SLC14A2: variants seen among roughly 807,000 people sequenced by gnomAD.
The protein encoded by SLC14A2 is solute carrier family 14 member 2.
A neutral mutation model predicts 104.6 loss-of-function variants in SLC14A2; 91 were observed. The ratio of observed to expected loss-of-function variants is 0.87; its 90% CI spans 0.73 to 1.04. SLC14A2 has a LOEUF of 1.04. SLC14A2 is among the 50% of genes least tolerant of loss of function. The probability of loss-of-function intolerance (pLI) is 0.00; values close to 1 mark genes in which losing one functional copy is unlikely to be tolerated. For missense variants in SLC14A2, 1,189 were observed against 1,156.0 expected (o/e 1.03, Z -0.41); for synonymous variants, 476 against 466.4 (o/e 1.02, Z -0.27).
chr18:45,223,334 T>G (rs946961102), intron 1 of SLC14A2, among the ~76,000 whole-genome samples: 3 of 152,042 alleles, frequency 2.0e-5, no homozygotes, highest in Non-Finnish European at 4.4e-5. Flanking sequence ...TTAAGCACCA[T>G]GGAGAAAAGC....
chr18:45,681,969 C>T (rs2046314993), intron 19 of SLC14A2, among the ~76,000 whole-genome samples: 1 of 152,204 alleles, frequency 6.6e-6, no homozygotes, highest in South Asian at 2.1e-4. Flanking sequence ...GGAGAAGACA[C>T]AGGATGACCA....
intron 1 of SLC14A2, among the ~76,000 whole-genome samples, chr18:45,258,744 G>C (rs1346076031): frequency 8.8e-6 from 1 of 114,002 alleles, no homozygotes. Context: ...TAAATGCTTT[G>C]ACCAGTACTG....
At chr18:45,598,438 C>T (rs1161563881) in intron 2 of SLC14A2, among the ~76,000 whole-genome samples, 4 of 152,094 alleles carry the variant, frequency 2.6e-5, no homozygotes, top group Admixed American at 6.6e-5. Flanking sequence ...GCTACATGGA[C>T]GGCGCTGCAT....
rs562950833 is a variant in SLC14A2 at position 45,586,131 on chromosome 18, C to T, written c.-34-38500C>T. On this transcript the variant is annotated intron_variant, in intron 2 of 20. Coordinates refer to the SLC14A2 transcript ENST00000586448. ...TATTAGGTTTGCGCAAAAGTAATTG[C>T]GGTTTTGCCATTGCTTTCAGTATTT... Among the ~76,000 whole-genome samples the T allele has an allele frequency of 1.5e-3, 233 of 152,242 alleles. 1 individual carries two copies. The highest frequency in any genetic ancestry group is 5.4e-3 in the African/African-American group (225 of 41,522).
intron 2 of SLC14A2, among the ~76,000 whole-genome samples, chr18:45,593,911 A>C (rs1185366986): frequency 6.6e-6 from 1 of 152,212 alleles, no homozygotes; most frequent in Non-Finnish European, 1.5e-5. Context: ...AGACATTAGC[A>C]TTTTCCCCCA....
At chr18:45,487,965 C>A (rs946508234) in intron 2 of SLC14A2, among the ~76,000 whole-genome samples, 1 of 152,130 alleles carries the variant, frequency 6.6e-6, no homozygotes, top group Non-Finnish European at 1.5e-5. Context: ...ATGATTTAAG[C>A]AAATAATCAC....
the SLC14A2 span, among the ~76,000 whole-genome samples, chr18:45,204,003 A>AT: frequency 1.2e-4 from 18 of 152,132 alleles, no homozygotes; most frequent in African/African-American, 4.3e-4. Flanking sequence ...AATAATTCAC[A>AT]TTTTTTTCTG....
chr18:45,224,461 T>C (rs2084094431), intron 1 of SLC14A2, among the ~76,000 whole-genome samples: 1 of 152,154 alleles, frequency 6.6e-6, no homozygotes, highest in Non-Finnish European at 1.5e-5. Flanking sequence ...TGGCTCTGAA[T>C]TCACATTCAC....
intron 1 of SLC14A2, 65 bp downstream of exon 1, chr18:45,615,647 A>G (rs1185575391): frequency 6.8e-6 from 1 of 146,830 alleles, no homozygotes; most frequent in Non-Finnish European, 1.5e-5. Flanking sequence ...GTAGTTCTTT[A>G]TAGCAGTATG....
chr18:45,328,814 A>G (rs2085261618), intron 1 of SLC14A2, among the ~76,000 whole-genome samples: 1 of 152,188 alleles, frequency 6.6e-6, no homozygotes, highest in Admixed American at 6.5e-5. Flanking sequence ...AAATCTTGTT[A>G]TTTTTCTTAT....
intron 2 of SLC14A2, among the ~76,000 whole-genome samples, chr18:45,552,349 GC>G (rs1290256269): frequency 6.6e-6 from 1 of 152,156 alleles, no homozygotes; most frequent in Non-Finnish European, 1.5e-5. Context: ...ATGCAGCTGG[GC>G]CCTGCCAGCC....
chr18:45,472,657 G>A (rs1191886680), intron 1 of SLC14A2, among the ~76,000 whole-genome samples: 4 of 152,020 alleles, frequency 2.6e-5, no homozygotes, highest in Non-Finnish European at 4.4e-5. Context: ...TATGTTTGTT[G>A]GTCACATAAA....
intron 1 of SLC14A2, among the ~76,000 whole-genome samples, chr18:45,229,849 G>A (rs952034788): frequency 6.6e-6 from 1 of 150,706 alleles, no homozygotes; most frequent in Admixed American, 6.6e-5. Flanking sequence ...TTCACCCTAT[G>A]GAATGAACAT....
chr18:45,192,025 C>A, the SLC14A2 span, among the ~76,000 whole-genome samples: 2 of 152,154 alleles, frequency 1.3e-5, no homozygotes, highest in Admixed American at 6.5e-5. Context: ...ATTGAGGAAT[C>A]CCAACTCATG....
the SLC14A2 span, among the ~76,000 whole-genome samples, chr18:45,205,512 G>T: frequency 6.6e-6 from 1 of 152,144 alleles, no homozygotes; most frequent in Non-Finnish European, 1.5e-5. Context: ...AGGACCATTG[G>T]GGGTTAAACA....
intron 6 of SLC14A2, among the ~76,000 whole-genome samples, chr18:45,638,029 G>T (rs1023219372): frequency 2.6e-5 from 4 of 152,082 alleles, no homozygotes; most frequent in Admixed American, 2.6e-4. Context: ...TCCATTCCAA[G>T]GCCACTCATT....
rs529278132 is a variant in SLC14A2, at chr18:45,643,768, T to G, written c.1177-218T>G. Among the ~76,000 whole-genome samples the G allele has an allele frequency of 9.1e-4, 138 of 152,314 alleles. 1 individual carries two copies. Among genetic ancestry groups the G allele is most frequent in the Admixed American group, 1.4e-3 (21 of 15,306 alleles). Reference sequence around the variant, plus strand: ...CTGGGCTCAAGTGATCCTCCCACCTTGGCCTCCCAAAGTGCTGGTATTACA... The same window carrying G: ...CTGGGCTCAAGTGATCCTCCCACCTGGGCCTCCCAAAGTGCTGGTATTACA... On this transcript the variant is annotated intron_variant, in intron 9 of 19. Transcript: ENST00000255226.
intron 1 of SLC14A2, among the ~76,000 whole-genome samples, chr18:45,473,952 T>C (rs2087302405): frequency 1.3e-5 from 2 of 152,334 alleles, no homozygotes; most frequent in East Asian, 1.9e-4. Context: ...ACTTGTCTTG[T>C]GCCAGTTTTC....
chr18:45,370,171 T>C (rs898697895), intron 1 of SLC14A2, among the ~76,000 whole-genome samples: 2 of 152,168 alleles, frequency 1.3e-5, no homozygotes, highest in African/African-American at 4.8e-5. Context: ...GAAACAGGAT[T>C]ACTCCCCTTC....
Sources: gnomAD v4.1 joint callset for allele counts (sites outside exome capture counted in the v4.1 genomes callset) on GRCh38, gnomAD v4.1.1 for gene constraint, MANE v1.5 for transcripts, NCBI Gene and HGNC (gene_info 2026-07-23, HGNC 2026-07-21) for gene names.